HOMER2: variants seen among roughly 807,000 people sequenced by gnomAD.
The protein encoded by HOMER2 is homer scaffold protein 2.
A neutral mutation model predicts 47.0 loss-of-function variants in HOMER2; 27 were observed. The observed-to-expected ratio is 0.57, with a 90% CI of 0.42 to 0.79. The LOEUF is 0.79. Ranked by LOEUF, HOMER2 falls within the 30% of genes least tolerant of loss-of-function variation. The pLI is 0.00. For missense variants in HOMER2, 443 were observed against 435.0 expected, an observed-to-expected ratio of 1.02 and a Z score of -0.16; for synonymous variants, 161 against 163.8, an observed-to-expected ratio of 0.98 and a Z score of 0.13.
intron 3 of HOMER2, among the ~76,000 whole-genome samples, chr15:82,865,945 C>T (rs2051950636): frequency 6.6e-6 from 1 of 152,204 alleles, no homozygotes; most frequent in South Asian, 2.1e-4. Flanking sequence ...TCTGCTAGGG[C>T]AGTGCAGAAG....
chr15:82,898,263 G>T (rs1432251130), intron 1 of HOMER2: 2 of 152,210 alleles, frequency 1.3e-5, no homozygotes, highest in African/African-American at 4.8e-5. Flanking sequence ...GTAGGACATA[G>T]AAGTCATTTC....
At chr15:82,869,450 C>CATTTT (rs2052104891) in intron 3 of HOMER2, among the ~76,000 whole-genome samples, 1 of 70,240 alleles carries the variant, frequency 1.4e-5, no homozygotes, top group African/African-American at 6.0e-5. Context: ...TACTAAACAT[C>CATTTT]TTTTTTTTTT....
intron 1 of HOMER2, among the ~76,000 whole-genome samples, chr15:82,903,555 G>T (rs2053195412): frequency 6.6e-6 from 1 of 152,020 alleles, no homozygotes; most frequent in African/African-American, 2.4e-5. Flanking sequence ...AGACAGAGAG[G>T]TTGCCGTTGG....
At chr15:82,951,418 G>A (rs897547133) in intron 1 of HOMER2, among the ~76,000 whole-genome samples, 9 of 152,158 alleles carry the variant, frequency 5.9e-5, no homozygotes, top group Non-Finnish European at 1.2e-4. Flanking sequence ...CCTGGAGTAC[G>A]GTGCAAGAAA....
intron 5 of HOMER2, among the ~76,000 whole-genome samples, chr15:82,858,698 T>C (rs1305789306): frequency 6.6e-6 from 1 of 151,902 alleles, no homozygotes; most frequent in Non-Finnish European, 1.5e-5. Flanking sequence ...ACACCCTCTC[T>C]CCACACATGT....
chr15:82,952,826 G>A (rs2054539694), upstream of HOMER2: 7 of 552,548 alleles, frequency 1.3e-5, no homozygotes, highest in Non-Finnish European at 1.6e-5. Context: ...CCCGGGCCGC[G>A]GCAGCGAGCC....
chr15:82,876,955 C>T (rs992019144), intron 2 of HOMER2, among the ~76,000 whole-genome samples: 1 of 152,188 alleles, frequency 6.6e-6, no homozygotes, highest in Non-Finnish European at 1.5e-5. Flanking sequence ...ATCTATCAGA[C>T]TATTGAGTTT....
chr15:82,908,547 G>T (rs2036378956), intron 1 of HOMER2, among the ~76,000 whole-genome samples: 1 of 152,132 alleles, frequency 6.6e-6, no homozygotes, highest in East Asian at 1.9e-4. Context: ...CAGTAACTTT[G>T]AAACAACCCA....
intron 1 of HOMER2, 97 bp from the exon 2 acceptor site, chr15:82,892,938 G>A (rs1249515993): frequency 2.1e-6 from 2 of 957,728 alleles, no homozygotes; most frequent in African/African-American, 3.2e-5. Flanking sequence ...ATTTTAAATA[G>A]CTTATAGGGA....
upstream of HOMER2, among the ~76,000 whole-genome samples, chr15:82,956,782 G>A (rs1418352066): frequency 6.6e-6 from 1 of 152,154 alleles, no homozygotes; most frequent in African/African-American, 2.4e-5. Flanking sequence ...AGAAAATATG[G>A]ACAAGGCCTG....
At chr15:82,982,441 A>G (rs961903030) in intron 1 of HOMER2, among the ~76,000 whole-genome samples, 1 of 152,232 alleles carries the variant, frequency 6.6e-6, no homozygotes, top group East Asian at 1.9e-4. Context: ...TGAAAATTTG[A>G]AAATCTGCTG....
exon 2 of HOMER2, chr15:82,839,096 A>C (rs1161154961): frequency 8.9e-6 from 1 of 112,702 alleles, no homozygotes; most frequent in African/African-American, 3.1e-5. Flanking sequence ...CTGACTCTAC[A>C]GAAAAAAAAA....
chr15:82,968,140 G>A (rs1282845276), intron 1 of HOMER2, among the ~76,000 whole-genome samples: 1 of 152,124 alleles, frequency 6.6e-6, no homozygotes, highest in African/African-American at 2.4e-5. Context: ...GGGCTCAAGT[G>A]ATCCTCCCGC....
At chr15:82,875,666 G>C (rs1006020534) in intron 2 of HOMER2, among the ~76,000 whole-genome samples, 2 of 152,182 alleles carry the variant, frequency 1.3e-5, no homozygotes, top group African/African-American at 4.8e-5. Flanking sequence ...ATCCGTGGGA[G>C]AAAGTCTCTC....
At chr15:82,960,925 T>C (rs1480370188) in intron 1 of HOMER2, among the ~76,000 whole-genome samples, 6 of 152,366 alleles carry the variant, frequency 3.9e-5, no homozygotes, top group African/African-American at 2.4e-5. Flanking sequence ...CAGCAGGCTT[T>C]AGACTTTGTC....
At chr15:82,971,435 C>G (rs1322690762) in intron 1 of HOMER2, among the ~76,000 whole-genome samples, 1 of 151,998 alleles carries the variant, frequency 6.6e-6, no homozygotes, top group Non-Finnish European at 1.5e-5. Flanking sequence ...CACACACACA[C>G]AGACACAGAG....
chr15:82,968,049 T>A (rs2054691711), intron 1 of HOMER2, among the ~76,000 whole-genome samples: 1 of 152,194 alleles, frequency 6.6e-6, no homozygotes, highest in Non-Finnish European at 1.5e-5. Flanking sequence ...AAATTTACCA[T>A]TTTAATCATT....
chr15:82,874,020 G>T (rs1210906971), intron 3 of HOMER2, among the ~76,000 whole-genome samples: 1 of 152,180 alleles, frequency 6.6e-6, no homozygotes, highest in Non-Finnish European at 1.5e-5. Context: ...TTTGAAAACT[G>T]TCTTCAATAC....
downstream of HOMER2, chr15:82,847,095 A>G (rs2051262060): frequency 6.6e-6 from 1 of 152,218 alleles, no homozygotes; most frequent in Admixed American, 6.5e-5. Flanking sequence ...AGGCAGCACA[A>G]GCGGCTGCGA....
Sources: gnomAD v4.1 joint callset for allele counts (sites outside exome capture counted in the v4.1 genomes callset) on GRCh38, gnomAD v4.1.1 for gene constraint, MANE v1.5 for transcripts, NCBI Gene and HGNC (gene_info 2026-07-23, HGNC 2026-07-21) for gene names.